WWOX: variants seen among roughly 807,000 people sequenced by gnomAD.
The protein encoded by WWOX is WW domain-containing oxidoreductase.
Under a neutral mutation model 46.2 loss-of-function variants are expected in WWOX, and 69 were observed. The ratio of observed to expected loss-of-function variants is 1.49; its 90% CI spans 1.23 to 1.82. The LOEUF (loss-of-function observed/expected upper bound fraction) is 1.82. Among genes scored for constraint, WWOX ranks in the 40% most tolerant of loss-of-function variants. The pLI is 0.00. For missense variants in WWOX, 919 were observed against 542.6 expected, an observed-to-expected ratio of 1.69 and a Z score of -6.89; for synonymous variants, 359 against 202.6, an observed-to-expected ratio of 1.77 and a Z score of -6.56.
chr16:78,964,845 C>T (rs901349403), intron 8 of WWOX, among the ~76,000 whole-genome samples: 1 of 152,178 alleles, frequency 6.6e-6, no homozygotes, highest in African/African-American at 2.4e-5. Context: ...TGCCCTGTGT[C>T]CCAGCCACTC....
intron 6 of WWOX, among the ~76,000 whole-genome samples, chr16:78,415,295 T>C (rs1185209753): frequency 6.6e-6 from 1 of 152,044 alleles, no homozygotes; most frequent in Non-Finnish European, 1.5e-5. Flanking sequence ...AGCGTGCTAA[T>C]GGATTCATAT....
chr16:78,323,093 G>A (rs934560205), intron 5 of WWOX, among the ~76,000 whole-genome samples: 2 of 151,908 alleles, frequency 1.3e-5, no homozygotes, highest in Non-Finnish European at 2.9e-5. Flanking sequence ...GCTATGATTT[G>A]GGGTTCTTGT....
intron 8 of WWOX, among the ~76,000 whole-genome samples, chr16:78,778,667 C>G (rs10514444): frequency 0.2 from 31,140 of 152,120 alleles, 3,930 homozygotes; most frequent in Middle Eastern, 0.3. Context: ...ATGGGAACAT[C>G]ACTTACCATC....
At chr16:79,114,660 T>C (rs1456729635) in intron 8 of WWOX, among the ~76,000 whole-genome samples, 2 of 152,084 alleles carry the variant, frequency 1.3e-5, no homozygotes, top group African/African-American at 4.8e-5. Context: ...AATAAACTTG[T>C]ATTGTTTCAA....
chr16:79,159,912 T>C (rs776829020), intron 8 of WWOX, among the ~76,000 whole-genome samples: 1 of 152,114 alleles, frequency 6.6e-6, no homozygotes, highest in Non-Finnish European at 1.5e-5. Context: ...GGATCTTCAT[T>C]TGGAGGGGTG....
intron 5 of WWOX, among the ~76,000 whole-genome samples, chr16:78,342,032 C>G (rs1428904420): frequency 8.3e-6 from 1 of 120,912 alleles, no homozygotes; most frequent in African/African-American, 2.8e-5. Context: ...AGCAGAATGG[C>G]TTGAGCCTGG....
rs1209706753 is a variant in WWOX at position 78,747,995 on chromosome 16, A to G, written c.1056+315243A>G. On this transcript the variant is annotated intron_variant, in intron 8 of 8. Coordinates refer to ENST00000566780, the MANE Select transcript of WWOX (RefSeq NM_016373.4). ...GTCCTCTTGCGTAGCAGCCTAAGAA[A>G]CTCCAAGTCCATCTGCGCCGAAGAG... is the stretch of plus-strand genomic sequence containing the variant. Among the ~76,000 whole-genome samples, 3 of 152,050 alleles carry G rather than the reference A, an allele frequency of 2.0e-5. No individual in the cohort carries two copies. In the East Asian group the frequency reaches 5.8e-4, roughly 29 times the overall value.
At chr16:79,131,649 C>T (rs1446304944) in intron 8 of WWOX, among the ~76,000 whole-genome samples, 2 of 152,114 alleles carry the variant, frequency 1.3e-5, no homozygotes, top group African/African-American at 4.8e-5. Flanking sequence ...TTTATCTCTG[C>T]CATGGTGTCA....
chr16:78,405,646 G>C (rs117335376), intron 6 of WWOX, among the ~76,000 whole-genome samples: 273 of 152,272 alleles, frequency 1.8e-3, no homozygotes, highest in Middle Eastern at 3.4e-3. Flanking sequence ...CTCAATGATT[G>C]GTGGGTACCA....
At chr16:78,325,404 A>C (rs1391517588) in intron 5 of WWOX, among the ~76,000 whole-genome samples, 1 of 152,192 alleles carries the variant, frequency 6.6e-6, no homozygotes, top group Admixed American at 6.5e-5. Flanking sequence ...GTATTTAATG[A>C]GTGCAATTAA....
At chr16:79,147,252 T>C (rs1387176781) in intron 8 of WWOX, among the ~76,000 whole-genome samples, 1 of 152,210 alleles carries the variant, frequency 6.6e-6, no homozygotes, top group East Asian at 1.9e-4. Context: ...ACCTTCCTTC[T>C]GCGCCTGCCT....
chr16:78,254,502 G>GTTTTTTTTTTTTTTTTTTTTT, intron 5 of WWOX, among the ~76,000 whole-genome samples: 1 of 91,648 alleles, frequency 1.1e-5, no homozygotes, highest in Non-Finnish European at 1.9e-5. Context: ...TTTCTTTCTT[G>GTTTTTTTTTTTTTTTTTTTTT]TTTTTTTTTT....
intron 7 of WWOX, among the ~76,000 whole-genome samples, chr16:78,425,387 A>G (rs1267466663): frequency 6.6e-6 from 1 of 152,222 alleles, no homozygotes; most frequent in Non-Finnish European, 1.5e-5. Context: ...CATCTTACCA[A>G]GAAGAATGTG....
intron 1 of WWOX, among the ~76,000 whole-genome samples, chr16:78,102,322 C>CT (rs1172196861): frequency 1.3e-5 from 2 of 152,098 alleles, no homozygotes; most frequent in Non-Finnish European, 2.9e-5. Flanking sequence ...GGCCTGTGAT[C>CT]TTTGTGAGGG....
At chr16:78,493,070 GC>G (rs773663817) in intron 8 of WWOX, among the ~76,000 whole-genome samples, 3 of 152,142 alleles carry the variant, frequency 2.0e-5, no homozygotes, top group Non-Finnish European at 2.9e-5. Context: ...GAACAGACTA[GC>G]CCCCTGTACA....
chr16:79,194,612 A>AC (rs1355006278), intron 8 of WWOX, among the ~76,000 whole-genome samples: 2 of 151,306 alleles, frequency 1.3e-5, no homozygotes, highest in Admixed American at 1.3e-4. Flanking sequence ...ATCCTTCTCC[A>AC]CCCCCGTTCA....
intron 8 of WWOX, among the ~76,000 whole-genome samples, chr16:78,853,716 A>G (rs2052503907): frequency 1.3e-5 from 2 of 152,084 alleles, no homozygotes; most frequent in Admixed American, 6.5e-5. Context: ...GTGGGGGTGT[A>G]GTGGGCTTCC....
chr16:78,653,874 G>A (rs550789514), intron 8 of WWOX, among the ~76,000 whole-genome samples: 5 of 152,186 alleles, frequency 3.3e-5, no homozygotes, highest in Admixed American at 2.0e-4. Context: ...TTTGAATCAC[G>A]TTGTCTATTA....
rs74882463 is a variant in WWOX at position 78,642,706 on chromosome 16, A to G, written c.1056+209954A>G. On this transcript the variant is annotated intron_variant, in intron 8 of 8. Transcript: ENST00000566780. ...CAGTTCCCACCTCGACCGCTATGGT[A>G]TTTCTTTTGCTTCTGCTGAGGCTGT... Among the ~76,000 whole-genome samples, 327 of 152,066 alleles carry G rather than the reference A, an allele frequency of 2.2e-3. 1 individual carries two copies. The highest frequency in any genetic ancestry group is 7.5e-3 in the African/African-American group (312 of 41,480).
Sources: allele counts gnomAD v4.1 joint callset (sites outside exome capture counted in the v4.1 genomes callset), GRCh38; gene constraint gnomAD v4.1.1; transcripts MANE v1.5; gene names NCBI Gene and HGNC (gene_info 2026-07-23, HGNC 2026-07-21).